TNR: variants seen among roughly 807,000 people sequenced by gnomAD.
The protein encoded by TNR is tenascin-R.
Under a neutral mutation model 150.4 loss-of-function variants are expected in TNR, and 45 were observed. The observed-to-expected ratio is 0.30, with a 90% CI of 0.24 to 0.38. The LOEUF (loss-of-function observed/expected upper bound fraction) is 0.38. TNR is among the 10% of genes least tolerant of loss of function. The pLI is 1.00. For synonymous variants in TNR, 687 were observed against 678.4 expected (o/e 1.01, Z -0.20); for missense variants, 1,544 against 1,759.1 (o/e 0.88, Z 2.19).
intron 4 of TNR, among the ~76,000 whole-genome samples, chr1:175,397,901 T>G (rs915252233): frequency 5.9e-5 from 9 of 152,230 alleles, no homozygotes; most frequent in African/African-American, 1.9e-4. Context: ...CTAACTCCAG[T>G]GTGTCTGTAA....
chr1:175,524,538 A>G (rs556181631), intron 2 of TNR, among the ~76,000 whole-genome samples: 1 of 152,272 alleles, frequency 6.6e-6, no homozygotes, highest in East Asian at 1.9e-4. Flanking sequence ...CAGGCTATAG[A>G]GGAGAAGGGT....
At chr1:175,335,847 A>C in intron 19 of TNR, 40 bp from the exon 20 acceptor site, 1 of 1,568,424 alleles carries the variant, frequency 6.4e-7, no homozygotes, top group Admixed American at 1.8e-5. Flanking sequence ...AACAAACAAA[A>C]AAACAAAACC....
chr1:175,331,042 T>C (rs868257755), intron 20 of TNR, among the ~76,000 whole-genome samples: 1 of 68,772 alleles, frequency 1.5e-5, no homozygotes, highest in Non-Finnish European at 3.0e-5. Flanking sequence ...TCTTTCTTTC[T>C]TTCTTTCTTT....
intron 1 of TNR, among the ~76,000 whole-genome samples, chr1:175,672,059 G>A (rs1290768273): frequency 6.6e-6 from 1 of 152,078 alleles, no homozygotes; most frequent in Non-Finnish European, 1.5e-5. Flanking sequence ...ATAAAGAGAT[G>A]GATGGATAGA....
Position 175,316,689 on chromosome 1 carries a change from TG to T in TNR, c.*6667del, listed in dbSNP as rs1206490053. 1 of 151,898 alleles carries T rather than the reference TG, an allele frequency of 6.6e-6. No homozygotes were observed. Among genetic ancestry groups the T allele is most frequent in the African/African-American group, 2.4e-5 (1 of 41,354 alleles). 9.4% of individuals were successfully genotyped at this position (151,898 alleles called of 1,614,324 possible). On this transcript the variant is annotated 3_prime_UTR_variant, in exon 23 of 23. Coordinates refer to ENST00000367674, the MANE Select transcript of TNR (RefSeq NM_003285.3). ...TTGGGATGTTCCCAAAAGAGTGGGG[TG>T]GGGGGTATTGGGTTTATGTTCTGGT...
At chr1:175,442,097 T>A (rs1443373243) in intron 2 of TNR, among the ~76,000 whole-genome samples, 1 of 152,192 alleles carries the variant, frequency 6.6e-6, no homozygotes, top group Admixed American at 6.5e-5. Flanking sequence ...CCTGTTTATC[T>A]TCTCCCTAGC....
chr1:175,736,049 G>T (rs755036234), intron 1 of TNR, among the ~76,000 whole-genome samples: 2 of 152,144 alleles, frequency 1.3e-5, no homozygotes, highest in African/African-American at 4.8e-5. Flanking sequence ...TATAAAATTC[G>T]GGTCAACCCA....
intron 2 of TNR, among the ~76,000 whole-genome samples, chr1:175,473,293 C>T (rs950159515): frequency 2.6e-5 from 4 of 152,156 alleles, no homozygotes; most frequent in Non-Finnish European, 5.9e-5. Context: ...GGTTTCTGTT[C>T]CTGTCAATAT....
intron 2 of TNR, among the ~76,000 whole-genome samples, chr1:175,527,843 G>A (rs1659906632): frequency 6.6e-6 from 1 of 152,140 alleles, no homozygotes; most frequent in South Asian, 2.1e-4. Context: ...ATAAAGAGAT[G>A]GATATTTTTT....
intron 17 of TNR, 104 bp downstream of exon 17, chr1:175,355,399 C>T (rs988148260): frequency 1.3e-6 from 2 of 1,488,266 alleles, no homozygotes; most frequent in Non-Finnish European, 1.8e-6. Flanking sequence ...TTGTGGATTG[C>T]TTCCTTCCCC....
In TNR at chr1:175,344,969, G is replaced by A. The variant is rs534304972; in HGVS notation, c.3383-7290C>T. Among the ~76,000 whole-genome samples, 131 of 151,994 alleles carry A rather than the reference G, an allele frequency of 8.6e-4. 1 individual carries two copies. The highest frequency in any genetic ancestry group is 2.9e-3 in the African/African-American group (121 of 41,498). On this transcript the variant is annotated intron_variant, in intron 18 of 22. Coordinates refer to ENST00000367674, the MANE Select transcript of TNR (RefSeq NM_003285.3). ...TAAAAATACAAAAAGTTAGCTGGGC[G>A]TAGTGGCGGGTGCCTGTAATCCCAG...
intron 1 of TNR, among the ~76,000 whole-genome samples, chr1:175,684,467 T>G (rs1666129166): frequency 6.6e-6 from 1 of 152,146 alleles, no homozygotes; most frequent in Non-Finnish European, 1.5e-5. Flanking sequence ...CAAGTAGACA[T>G]CAACATCCTC....
intron 14 of TNR, among the ~76,000 whole-genome samples, chr1:175,361,948 C>T (rs1651609553): frequency 6.6e-6 from 1 of 152,148 alleles, no homozygotes; most frequent in Admixed American, 6.5e-5. Flanking sequence ...AAGAGGGAGG[C>T]CATGGGATTT....
intron 1 of TNR, among the ~76,000 whole-genome samples, chr1:175,589,191 A>C (rs1013641471): frequency 9.2e-5 from 14 of 152,190 alleles, no homozygotes; most frequent in Non-Finnish European, 7.3e-5. Flanking sequence ...ACAAGATCTC[A>C]AATCTTGACC....
intron 1 of TNR, among the ~76,000 whole-genome samples, chr1:175,665,065 T>C (rs1665495648): frequency 6.6e-6 from 1 of 152,238 alleles, no homozygotes; most frequent in Admixed American, 6.5e-5. Context: ...ACATGAGCAG[T>C]AATGCTGACA....
intron 2 of TNR, among the ~76,000 whole-genome samples, chr1:175,458,682 C>G (rs1429083082): frequency 1.3e-5 from 2 of 152,150 alleles, no homozygotes; most frequent in Non-Finnish European, 2.9e-5. Flanking sequence ...TTTGCAACCT[C>G]TATTTTGTGA....
intron 1 of TNR, among the ~76,000 whole-genome samples, chr1:175,532,761 T>C (rs1571570193): frequency 6.6e-6 from 1 of 152,164 alleles, no homozygotes; most frequent in Non-Finnish European, 1.5e-5. Context: ...GCTTCCAAGA[T>C]GGCTCGTTTG....
intron 2 of TNR, among the ~76,000 whole-genome samples, chr1:175,478,914 T>C (rs1657662942): frequency 6.6e-6 from 1 of 152,218 alleles, no homozygotes; most frequent in Admixed American, 6.5e-5. Flanking sequence ...AATAGGACTT[T>C]AGACTATGGT....
At chr1:175,440,292 G>A (rs1260313675) in intron 2 of TNR, among the ~76,000 whole-genome samples, 6 of 150,582 alleles carry the variant, frequency 4.0e-5, no homozygotes, top group East Asian at 2.0e-4. Context: ...ACCAAACACC[G>A]CATGTTTTCA....
Sources: gnomAD v4.1 joint callset for allele counts (sites outside exome capture counted in the v4.1 genomes callset) on GRCh38, gnomAD v4.1.1 for gene constraint, MANE v1.5 for transcripts, NCBI Gene and HGNC (gene_info 2026-07-23, HGNC 2026-07-21) for gene names.